PTPRN2: variants seen among roughly 807,000 people sequenced by gnomAD.
PTPRN2 encodes receptor-type tyrosine-protein phosphatase N2.
A neutral mutation model predicts 118.8 loss-of-function variants in PTPRN2; 74 were observed. The observed-to-expected ratio is 0.62, with a 90% CI of 0.52 to 0.76. The LOEUF is 0.76. Among genes scored for constraint, PTPRN2 ranks in the 30% least tolerant of loss-of-function variants. PTPRN2 has a pLI of 0.00. For missense variants in PTPRN2, 1,481 were observed against 1,394.4 expected, an observed-to-expected ratio of 1.06 and a Z score of -0.99; for synonymous variants, 641 against 608.0, an observed-to-expected ratio of 1.05 and a Z score of -0.80.
chr7:158,285,658 A>G (rs1799720208), intron 3 of PTPRN2, among the ~76,000 whole-genome samples: 2 of 152,232 alleles, frequency 1.3e-5, no homozygotes, highest in African/African-American at 4.8e-5. Context: ...TGCTGCTGTA[A>G]GAGGCCAGGT....
chr7:158,215,880 G>A (rs561725178), intron 3 of PTPRN2, among the ~76,000 whole-genome samples: 3 of 152,112 alleles, frequency 2.0e-5, no homozygotes, highest in African/African-American at 7.2e-5. Context: ...CTAAATTTAT[G>A]TCTCCATATA....
intron 2 of PTPRN2, among the ~76,000 whole-genome samples, chr7:158,443,039 A>C: frequency 8.5e-6 from 1 of 117,496 alleles, no homozygotes; most frequent in East Asian, 2.7e-4. Context: ...GAACACAAAT[A>C]AGTATTAAAA....
chr7:157,676,777 C>T lies in PTPRN2; in HGVS notation c.2001+5948G>A, dbSNP rs574768768. On this transcript the variant is annotated intron_variant, in intron 13 of 22. Transcript: ENST00000389418. This position sits in a 1 kb window ranked among gnomAD's most constrained non-coding sequence, Gnocchi z 5.6. ...TCCCTTTCCACAGGGTCCCTTTCCA[C>T]GGGGTGGGTGACTGATGAGGACAGG... Among the ~76,000 whole-genome samples, 14 of 152,276 alleles carry T rather than the reference C, an allele frequency of 9.2e-5. No homozygotes were observed. The East Asian group carries it at 9.6e-4, about 10-fold the overall frequency.
At chr7:157,641,520 T>C (rs1429770413) in intron 14 of PTPRN2, among the ~76,000 whole-genome samples, 3 of 152,226 alleles carry the variant, frequency 2.0e-5, no homozygotes, top group South Asian at 4.1e-4. Context: ...GGCAGTATGG[T>C]TGCATGAGTT....
At position 158,260,808 on chromosome 7, in the gene PTPRN2, T is replaced by C. The variant is rs113460369; in HGVS notation, c.278-55535A>G. ...ACTGGCAGAGACGGCTCCTTCCTCC[T>C]GACCCAGAAGCCAGGAGAGAAAGCT... On this transcript the variant is annotated intron_variant, in intron 3 of 22. Coordinates refer to ENST00000389418, the MANE Select transcript of PTPRN2 (RefSeq NM_002847.5). Among the ~76,000 whole-genome samples, 1,356 of 152,242 alleles carry C rather than the reference T, an allele frequency of 8.9e-3. 24 individuals are homozygous for C. Among genetic ancestry groups the C allele is most frequent in the African/African-American group, 0.031 (1,275 of 41,560 alleles).
chr7:158,439,009 A>T (rs1352440768), intron 2 of PTPRN2, among the ~76,000 whole-genome samples: 1 of 152,214 alleles, frequency 6.6e-6, no homozygotes, highest in African/African-American at 2.4e-5. Flanking sequence ...GTAAAAATGC[A>T]GATTCACTGA....
intron 16 of PTPRN2, among the ~76,000 whole-genome samples, chr7:157,595,946 C>T (rs753999465): frequency 6.6e-6 from 1 of 152,200 alleles, no homozygotes; most frequent in African/African-American, 2.4e-5. Flanking sequence ...GTTGTTAGCC[C>T]ACTCAGCAGG....
At chr7:158,159,793 A>T (rs1181131662) in intron 6 of PTPRN2, among the ~76,000 whole-genome samples, 3 of 152,234 alleles carry the variant, frequency 2.0e-5, no homozygotes, top group Non-Finnish European at 4.4e-5. Context: ...TATGAAAAAA[A>T]ACTACAGCAC....
At chr7:157,643,049 G>A (rs2150699835) in intron 14 of PTPRN2, among the ~76,000 whole-genome samples, 1 of 152,276 alleles carries the variant, frequency 6.6e-6, no homozygotes, top group African/African-American at 2.4e-5. Context: ...ATGGGGCTAT[G>A]GCAGGATAAA....
rs548637438 is a variant in PTPRN2, at chr7:157,845,548, G to A, written c.1788+53125C>T. On this transcript the variant is annotated intron_variant, in intron 12 of 22. Transcript: ENST00000389418. This position sits in a 1 kb window ranked among gnomAD's most constrained non-coding sequence, Gnocchi z 4.5. ...CGGCCACATCCCGGTGAACCATGCA[G>A]CCTAACTCACCACGTTCCCGGCCAC... Among the ~76,000 whole-genome samples, 3 of 152,350 alleles carry A rather than the reference G, an allele frequency of 2.0e-5. No homozygotes were observed. In the South Asian group the frequency reaches 6.2e-4, roughly 32 times the overall value.
intron 11 of PTPRN2, among the ~76,000 whole-genome samples, chr7:157,956,779 G>A (rs180715473): frequency 2.0e-5 from 3 of 152,392 alleles, no homozygotes; most frequent in African/African-American, 7.2e-5. Context: ...AGGATAAACT[G>A]TTACACAGAA....
At chr7:157,767,682 C>T (rs748458133) in intron 12 of PTPRN2, among the ~76,000 whole-genome samples, 35 of 152,314 alleles carry the variant, frequency 2.3e-4, no homozygotes, top group African/African-American at 6.7e-4. Flanking sequence ...TGGTGCTGTG[C>T]CTCTGCAGTG....
intron 3 of PTPRN2, among the ~76,000 whole-genome samples, chr7:158,261,333 G>A (rs1309111647): frequency 7.3e-6 from 1 of 136,326 alleles, no homozygotes; most frequent in Non-Finnish European, 1.6e-5. Context: ...GGGGGAGGGA[G>A]GTAACAGCCC....
Position 157,655,271 on chromosome 7 carries a change from C to T in PTPRN2, c.2196+1086G>A, listed in dbSNP as rs571655603. ...GAAGGCTGCTGAGTTCCTCAGTTTCCCCAAACGTCTGGTCCAAGCGGGTCT... is the reference window on the plus strand; with the variant it reads ...GAAGGCTGCTGAGTTCCTCAGTTTCTCCAAACGTCTGGTCCAAGCGGGTCT... On this transcript the variant is annotated intron_variant, in intron 14 of 22. Coordinates refer to ENST00000389418, the MANE Select transcript of PTPRN2 (RefSeq NM_002847.5). Among the ~76,000 whole-genome samples the T allele has an allele frequency of 6.1e-4, 93 of 152,318 alleles. 1 individual carries two copies. The highest frequency in any genetic ancestry group is 2.1e-3 in the African/African-American group (87 of 41,566).
chr7:158,340,664 A>G (rs1373477170), intron 2 of PTPRN2, among the ~76,000 whole-genome samples: 1 of 98,484 alleles, frequency 1.0e-5, no homozygotes, highest in Non-Finnish European at 2.2e-5. Context: ...CGCAGACGTC[A>G]CTCACACCCA....
At chr7:158,376,929 GCGGGGT>G (rs1159764430) in intron 2 of PTPRN2, among the ~76,000 whole-genome samples, 9 of 43,150 alleles carry the variant, frequency 2.1e-4, no homozygotes, top group Admixed American at 6.9e-4. Context: ...CGTCCTGCAC[GCGGGGT>G]CAGGGGACTC....
At chr7:157,800,814 T>C (rs937024781) in intron 12 of PTPRN2, among the ~76,000 whole-genome samples, 5 of 151,744 alleles carry the variant, frequency 3.3e-5, no homozygotes, top group Non-Finnish European at 7.4e-5. Context: ...CAGCCGGGTG[T>C]GGTGGCGGGC....
In PTPRN2 at chr7:157,829,112, G is replaced by A. The variant is rs117094165; in HGVS notation, c.1788+69561C>T. Among the ~76,000 whole-genome samples the A allele has an allele frequency of 5.4e-4, 82 of 152,380 alleles. 2 individuals carry two copies. In the South Asian group the frequency reaches 8.1e-3, roughly 15 times the overall value. Reference sequence around the variant, plus strand: ...GCCGGGCGCGGGATGCTCGTGAGCCGTGAGCTTTGATTCTGAAATATGTAA... The same window carrying A: ...GCCGGGCGCGGGATGCTCGTGAGCCATGAGCTTTGATTCTGAAATATGTAA... On this transcript the variant is annotated intron_variant, in intron 12 of 22. Coordinates refer to ENST00000389418, the MANE Select transcript of PTPRN2 (RefSeq NM_002847.5).
intron 21 of PTPRN2, among the ~76,000 whole-genome samples, chr7:157,562,671 C>T (rs1799249404): frequency 6.6e-6 from 1 of 151,080 alleles, no homozygotes; most frequent in Admixed American, 6.6e-5. Context: ...GGACCATGTG[C>T]TCCCGCGTCA....
Sources: allele counts gnomAD v4.1 joint callset (sites outside exome capture counted in the v4.1 genomes callset), GRCh38; gene constraint gnomAD v4.1.1; non-coding constraint Gnocchi (gnomAD v3.1); transcripts MANE v1.5; gene names NCBI Gene and HGNC (gene_info 2026-07-23, HGNC 2026-07-21).